MAP2: variants seen among roughly 807,000 people sequenced by gnomAD.
MAP2 encodes microtubule associated protein 2, also known as microtubule-associated protein 2.
A neutral mutation model predicts 137.6 loss-of-function variants in MAP2; 14 were observed. The ratio of observed to expected loss-of-function variants is 0.10; its 90% CI spans 0.07 to 0.16. MAP2 has a LOEUF of 0.16. Ranked by LOEUF, MAP2 falls within the 10% of genes least tolerant of loss-of-function variation. MAP2 has a pLI of 1.00. For synonymous variants in MAP2, 786 were observed against 782.3 expected (o/e 1.00, Z -0.08); for missense variants, 2,088 against 2,191.5 (o/e 0.95, Z 0.94).
At chr2:209,710,488 T>C (rs2065061110) in intron 13 of MAP2, 2 of 486,416 alleles carry the variant, frequency 4.1e-6, no homozygotes, top group Non-Finnish European at 7.3e-6. Flanking sequence ...TACCAACTTT[T>C]AGTTGATTGA....
intron 2 of MAP2, among the ~76,000 whole-genome samples, chr2:209,562,737 G>A (rs560983441): frequency 1.5e-4 from 23 of 151,934 alleles, no homozygotes; most frequent in Non-Finnish European, 2.5e-4. Context: ...TCCCAGTGAA[G>A]CACCAGAAAA....
chr2:209,598,336 G>C (rs892931041), intron 3 of MAP2, among the ~76,000 whole-genome samples: 1 of 151,938 alleles, frequency 6.6e-6, no homozygotes, highest in Non-Finnish European at 1.5e-5. Flanking sequence ...CTTGAACCCC[G>C]GCACCCAGTG....
At chr2:209,532,406 G>A (rs905723822) in intron 2 of MAP2, among the ~76,000 whole-genome samples, 1 of 152,086 alleles carries the variant, frequency 6.6e-6, no homozygotes, top group Admixed American at 6.6e-5. Flanking sequence ...CCCTTACCAT[G>A]TGTTATTTCA....
rs182401003 is a variant in MAP2, at chr2:209,517,217, A to G, written c.-172+9576A>G. On this transcript the variant is annotated intron_variant, in intron 2 of 15. Transcript: ENST00000682079. Reference sequence around the variant, plus strand: ...TATGTATTAATTTTTGGATTTTCTTATATTTAGATAGTTTTTGAAAATTTT... The same window carrying G: ...TATGTATTAATTTTTGGATTTTCTTGTATTTAGATAGTTTTTGAAAATTTT... Among the ~76,000 whole-genome samples the G allele has an allele frequency of 3.8e-3, 571 of 152,112 alleles. 2 individuals are homozygous for G. The highest frequency in any genetic ancestry group is 0.013 in the African/African-American group (535 of 41,530).
chr2:209,638,368 C>G (rs2093733875), intron 4 of MAP2, among the ~76,000 whole-genome samples: 1 of 152,048 alleles, frequency 6.6e-6, no homozygotes, highest in Admixed American at 6.6e-5. Context: ...TGGCCCAACT[C>G]AACTGATATC....
At chr2:209,532,937 G>T (rs1230098971) in intron 2 of MAP2, among the ~76,000 whole-genome samples, 2 of 151,994 alleles carry the variant, frequency 1.3e-5, no homozygotes, top group Non-Finnish European at 1.5e-5. Flanking sequence ...GCTGGGATTT[G>T]CCCACTCCTC....
At position 209,546,068 on chromosome 2, in the gene MAP2, G is replaced by T. The variant is rs1477947555; in HGVS notation, c.-171-33968G>T. Among the ~76,000 whole-genome samples, 7 of 152,128 alleles carry T rather than the reference G, an allele frequency of 4.6e-5. No homozygotes were observed. The East Asian group carries it at 1.4e-3, about 29-fold the overall frequency. On this transcript the variant is annotated intron_variant, in intron 2 of 15. Transcript: ENST00000682079. The stretch of plus-strand genomic sequence containing the variant: ...TGAGGCAGGAGAATGGCGTGAACCC[G>T]GGAGGCAGAGGTTGCGGTAAGCCGA...
intron 2 of MAP2, among the ~76,000 whole-genome samples, chr2:209,526,049 G>T (rs1432748185): frequency 1.3e-5 from 2 of 151,898 alleles, no homozygotes; most frequent in Non-Finnish European, 2.9e-5. Flanking sequence ...CTCATGTTAT[G>T]TCATGATTTT....
At chr2:209,530,309 A>C (rs1418275994) in intron 2 of MAP2, among the ~76,000 whole-genome samples, 2 of 152,178 alleles carry the variant, frequency 1.3e-5, no homozygotes, top group African/African-American at 4.8e-5. Context: ...GTACTTTGCT[A>C]TATAGATGAT....
At chr2:209,729,810 T>C (rs1420243197) in intron 14 of MAP2, 40 bp from the exon 15 acceptor site, 1 of 1,369,112 alleles carries the variant, frequency 7.3e-7, no homozygotes, top group Non-Finnish European at 1.0e-6. Flanking sequence ...TTACCACGAA[T>C]GCAAGATATA....
intron 3 of MAP2, among the ~76,000 whole-genome samples, chr2:209,614,978 T>C (rs1159508258): frequency 2.6e-5 from 4 of 152,200 alleles, no homozygotes; most frequent in Admixed American, 2.6e-4. Context: ...CAGAATTTCA[T>C]TTTTCTGCTC....
chr2:209,445,645 G>A (rs1443310504), intron 1 of MAP2, among the ~76,000 whole-genome samples: 1 of 151,466 alleles, frequency 6.6e-6, no homozygotes, highest in Non-Finnish European at 1.5e-5. Flanking sequence ...TCTTAACTAC[G>A]GTGACTTATT....
intron 2 of MAP2, among the ~76,000 whole-genome samples, chr2:209,513,678 A>G (rs1440733402): frequency 6.6e-6 from 1 of 152,102 alleles, no homozygotes; most frequent in Non-Finnish European, 1.5e-5. Flanking sequence ...GTTCTTTAAG[A>G]TTCTTCCAGT....
At chr2:209,639,228 A>T (rs903672802) in intron 4 of MAP2, among the ~76,000 whole-genome samples, 8 of 152,216 alleles carry the variant, frequency 5.3e-5, no homozygotes, top group African/African-American at 1.9e-4. Context: ...CTGGACCACA[A>T]ACTGAATTCA....
At chr2:209,503,664 A>G (rs1354495825) in intron 1 of MAP2, among the ~76,000 whole-genome samples, 26 of 152,150 alleles carry the variant, frequency 1.7e-4, no homozygotes, top group Non-Finnish European at 2.4e-4. Context: ...TGAAGAGACT[A>G]TCCTTTCAAT....
chr2:209,558,501 T>C (rs1490653994), intron 2 of MAP2, among the ~76,000 whole-genome samples: 3 of 152,066 alleles, frequency 2.0e-5, no homozygotes, highest in South Asian at 4.2e-4. Context: ...ACATTCATTT[T>C]TCTTCTGAAC....
At chr2:209,456,740 C>T (rs1701629510) in intron 1 of MAP2, among the ~76,000 whole-genome samples, 1 of 152,224 alleles carries the variant, frequency 6.6e-6, no homozygotes. Context: ...TACCTGTTTA[C>T]TTCCTTAGGT....
chr2:209,634,448 T>A (rs1458801765), intron 4 of MAP2, among the ~76,000 whole-genome samples: 1 of 152,116 alleles, frequency 6.6e-6, no homozygotes, highest in Non-Finnish European at 1.5e-5. Flanking sequence ...CTTCCATGTG[T>A]GGCTTTGCTT....
intron 1 of MAP2, among the ~76,000 whole-genome samples, chr2:209,468,161 C>T (rs1179827000): frequency 6.6e-6 from 1 of 151,828 alleles, no homozygotes; most frequent in Non-Finnish European, 1.5e-5. Flanking sequence ...ATTCAACTTT[C>T]ATCTCGGTAG....
Sources: allele counts gnomAD v4.1 joint callset (sites outside exome capture counted in the v4.1 genomes callset), GRCh38; gene constraint gnomAD v4.1.1; transcripts MANE v1.5; gene names NCBI Gene and HGNC (gene_info 2026-07-23, HGNC 2026-07-21).